METTL25: variants seen among roughly 807,000 people sequenced by gnomAD.
The protein encoded by METTL25 is methyltransferase like 25.
METTL25 carries 64 observed loss-of-function variants against 71.6 expected under a neutral mutation model. The ratio of observed to expected loss-of-function variants is 0.89; its 90% CI spans 0.73 to 1.10. The LOEUF (loss-of-function observed/expected upper bound fraction) is 1.10. Ranked by LOEUF, METTL25 falls within the 50% of genes least tolerant of loss-of-function variation. The pLI, the probability that METTL25 is intolerant of heterozygous loss-of-function variation, is 0.00. For synonymous variants in METTL25, 287 were observed against 250.3 expected (o/e 1.15, Z -1.38); for missense variants, 807 against 707.0 (o/e 1.14, Z -1.60).
rs758752874 is a variant in METTL25, at chr12:82,358,748, G to A, written c.183G>A (p.Ala61=). Residue 61 remains alanine, a synonymous_variant, in exon 1 of 12, where the codon GCG becomes GCA. Transcript: ENST00000248306. ...TGCCACCGGAGACAGTGCTGGCTGC[G>A]CTGAGGAAGTCAGCGTCGGAGACGG... ...VDLPPETVLA[A]LRKSASETEA... The A allele has an allele frequency of 2.5e-6, 4 of 1,614,126 alleles. No individual in the cohort carries two copies. Among genetic ancestry groups the A allele is most frequent in the South Asian group, 1.1e-5 (1 of 91,090 alleles).
intron 4 of METTL25, 67 bp from the exon 5 acceptor site, chr12:82,402,912 AAAAT>A (rs1432046389): frequency 1.2e-5 from 14 of 1,188,932 alleles, no homozygotes; most frequent in Non-Finnish European, 1.1e-5. Context: ...CCTGTATGTA[AAAAT>A]AAATAAAAAT....
At chr12:82,438,336 A>G (rs1371754248) in intron 7 of METTL25, among the ~76,000 whole-genome samples, 1 of 151,704 alleles carries the variant, frequency 6.6e-6, no homozygotes, top group African/African-American at 2.4e-5. Flanking sequence ...AGACAAATCT[A>G]CATTCTCTTC....
Position 82,479,101 on chromosome 12 carries a change from C to A in METTL25, c.*77C>A. 1 of 1,147,688 alleles carries A rather than the reference C, an allele frequency of 8.7e-7. No individual in the cohort carries two copies. Among genetic ancestry groups the A allele is most frequent in the Non-Finnish European group, 1.3e-6 (1 of 783,728 alleles). 71.1% of individuals were successfully genotyped at this position (1,147,688 alleles called of 1,614,324 possible). A position where few individuals can be genotyped will look rare whatever the true frequency, so the allele number is the denominator to read the frequency against. On this transcript the variant is annotated 3_prime_UTR_variant, in exon 12 of 12. Coordinates refer to ENST00000248306, the MANE Select transcript of METTL25 (RefSeq NM_032230.3). Reference sequence around the variant, plus strand: ...AGATTGCTTTTCTAAACATATATGTCCTGTTATACAAAAATTTTTAAATGA... The same window carrying A: ...AGATTGCTTTTCTAAACATATATGTACTGTTATACAAAAATTTTTAAATGA...
At chr12:82,463,289 CT>C (rs1022085160) in intron 9 of METTL25, among the ~76,000 whole-genome samples, 7 of 151,490 alleles carry the variant, frequency 4.6e-5, no homozygotes, top group African/African-American at 9.7e-5. Flanking sequence ...AGGAGATTAA[CT>C]TTTTTTTTCC....
chr12:82,403,054 C>G lies in METTL25; in HGVS notation c.1203C>G (p.Asn401Lys), dbSNP rs1414253775. The change falls in exon 5 of 12, where the codon AAC becomes AAG. Residue 401 changes from asparagine to lysine, a missense_variant. Physicochemically the swap from Asn to Lys is moderately conservative, Grantham distance 94. Coordinates refer to ENST00000248306, the MANE Select transcript of METTL25 (RefSeq NM_032230.3). Reference protein sequence around the residue: ...APNTLRIFTSNSEIKGVCSVG... With the variant: ...APNTLRIFTSKSEIKGVCSVG... ...ATACTTTGCGAATATTTACCTCCAACTCTGAAATCAAGGGAGTTTGCAGTG... is the reference window on the plus strand; with the variant it reads ...ATACTTTGCGAATATTTACCTCCAAGTCTGAAATCAAGGGAGTTTGCAGTG... 6.2e-7 allele frequency: 1 copy of G among 1,613,424 alleles called. No individual in the cohort carries two copies. Among genetic ancestry groups the G allele is most frequent in the Non-Finnish European group, 8.5e-7 (1 of 1,179,530 alleles).
rs1308582618 is a variant in METTL25 at position 82,422,814 on chromosome 12, A to G, written c.1280-8079A>G. On this transcript the variant is annotated intron_variant, in intron 5 of 11. Transcript: ENST00000248306. ...ATTCACAATTGCTTCAAAGAGAATA[A>G]AATACCTAGGAATCCACCTTACAAG... Among the ~76,000 whole-genome samples the G allele has an allele frequency of 2.6e-5, 4 of 152,188 alleles. No individual in the cohort carries two copies. The East Asian group carries it at 7.7e-4, about 29-fold the overall frequency.
Position 82,365,845 on chromosome 12 carries a change from G to A in METTL25, c.259+7021G>A, listed in dbSNP as rs142042693. ...CGCCTGCAATCCCAGCACTTTGGGA[G>A]GCCGAGGCGGGGGGATCACGAGGTC... On this transcript the variant is annotated intron_variant, in intron 1 of 11. Transcript: ENST00000248306. 3.0e-3 allele frequency among the ~76,000 whole-genome samples: 453 copies of A among 152,308 alleles called. 4 individuals are homozygous for A. The highest frequency in any genetic ancestry group is 0.01 in the African/African-American group (425 of 41,576).
chr12:82,422,852 C>T (rs1372769332), intron 5 of METTL25, among the ~76,000 whole-genome samples: 1 of 152,070 alleles, frequency 6.6e-6, no homozygotes, highest in Non-Finnish European at 1.5e-5. Flanking sequence ...ATGTGAAGGA[C>T]CTCTTCTAGG....
At position 82,358,701 on chromosome 12, in the gene METTL25, G is replaced by A. The variant is rs779100554; in HGVS notation, c.136G>A (p.Val46Met). 7 of 1,614,090 alleles carry A rather than the reference G, an allele frequency of 4.3e-6. No homozygotes were observed. Among genetic ancestry groups the A allele is most frequent in the East Asian group, 2.2e-5 (1 of 44,896 alleles). The change falls in exon 1 of 12, where the codon GTG becomes ATG. Residue 46 changes from valine (V) to methionine (M), a missense_variant. Coordinates refer to ENST00000248306, the MANE Select transcript of METTL25 (RefSeq NM_032230.3). ...TACCGTGGATTTCTACACAGAATCC[G>A]TGTGGGAGGAGCTGGTCGACTTGCC... ...AHTVDFYTES[V>M]WEELVDLPPE... is the part of the protein sequence containing the mutation.
At chr12:82,406,418 G>A (rs74637749) in intron 5 of METTL25, among the ~76,000 whole-genome samples, 3,830 of 151,816 alleles carry the variant, frequency 0.025, 174 homozygotes, top group East Asian at 0.24. Flanking sequence ...TATGTTTTAG[G>A]CAAACAAATG....
intron 1 of METTL25, among the ~76,000 whole-genome samples, chr12:82,369,786 TG>T (rs1883006832): frequency 6.3e-4 from 1 of 1,592 alleles, no homozygotes; most frequent in Non-Finnish European, 7.7e-3. Context: ...TACAGAGTGT[TG>T]ATTGGTGCGT....
At chr12:82,382,512 GT>G (rs1288873745) in intron 1 of METTL25, among the ~76,000 whole-genome samples, 3 of 152,092 alleles carry the variant, frequency 2.0e-5, no homozygotes, top group Non-Finnish European at 4.4e-5. Context: ...TCCTTTTATA[GT>G]TGATGATGCT....
In METTL25 at chr12:82,403,131, G is replaced by T. The variant is rs1886785975; in HGVS notation, c.1279+1G>T. 3 of 1,607,388 alleles carry T rather than the reference G, an allele frequency of 1.9e-6. No homozygotes were observed. The highest frequency in any genetic ancestry group is 2.2e-5 in the South Asian group (2 of 89,642). ...GAAGAATTTGAAAACCAGCATAAAG[G>T]TACAAGTTCCCCATGTGTCATAATT... On this transcript the variant is annotated splice_donor_variant, in intron 5 of 11. Transcript: ENST00000248306. LOFTEE classifies it high-confidence loss of function.
intron 9 of METTL25, among the ~76,000 whole-genome samples, chr12:82,469,968 A>G (rs891779632): frequency 6.6e-6 from 1 of 152,088 alleles, no homozygotes; most frequent in Non-Finnish European, 1.5e-5. Context: ...GCTAAAACTG[A>G]CTCAGTCCTT....
At chr12:82,433,177 G>A (rs1889651763) in intron 6 of METTL25, among the ~76,000 whole-genome samples, 2 of 151,506 alleles carry the variant, frequency 1.3e-5, no homozygotes, top group African/African-American at 4.8e-5. Flanking sequence ...AAGCTTATCA[G>A]CAACACATAC....
intron 1 of METTL25, among the ~76,000 whole-genome samples, chr12:82,359,466 C>A (rs1456738166): frequency 2.6e-5 from 4 of 152,250 alleles, no homozygotes; most frequent in African/African-American, 9.6e-5. Context: ...GTGACGGAAA[C>A]CCTTGGGATT....
chr12:82,445,325 CACAG>C (rs1409135798), intron 8 of METTL25, among the ~76,000 whole-genome samples: 21 of 151,970 alleles, frequency 1.4e-4, no homozygotes, highest in Non-Finnish European at 5.9e-5. Context: ...TGCACACAAA[CACAG>C]ACAATATGTG....
intron 9 of METTL25, among the ~76,000 whole-genome samples, chr12:82,472,179 C>T (rs1394593136): frequency 3.9e-5 from 6 of 152,072 alleles, no homozygotes; most frequent in Non-Finnish European, 7.4e-5. Flanking sequence ...GCCAATTGTT[C>T]ACTTATGTCT....
In METTL25 at chr12:82,368,753, A is replaced by G. The variant is rs183886555; in HGVS notation, c.259+9929A>G. ...TCCTCAGACCTTATTAGTCCCTGCT[A>G]TTAACACCATGGTCATGTTGAAGGG... is the stretch of plus-strand genomic sequence containing the variant. On this transcript the variant is annotated intron_variant, in intron 1 of 11. Coordinates refer to ENST00000248306, the MANE Select transcript of METTL25 (RefSeq NM_032230.3). Among the ~76,000 whole-genome samples, 7 of 152,352 alleles carry G rather than the reference A, an allele frequency of 4.6e-5. No individual in the cohort carries two copies. In the East Asian group the frequency reaches 9.6e-4, roughly 21 times the overall value.
Sources: gnomAD v4.1 joint callset for allele counts (sites outside exome capture counted in the v4.1 genomes callset) on GRCh38, gnomAD v4.1.1 for gene constraint, MANE v1.5 for transcripts, NCBI Gene and HGNC (gene_info 2026-07-23, HGNC 2026-07-21) for gene names.